WASF2: variants seen among roughly 807,000 people sequenced by gnomAD.
WASF2 encodes actin-binding protein WASF2.
A neutral mutation model predicts 45.0 loss-of-function variants in WASF2; 14 were observed. That is an observed-to-expected ratio of 0.31 (90% CI 0.21 to 0.49). The LOEUF (loss-of-function observed/expected upper bound fraction) is 0.49, where lower values mean the gene tolerates loss of function less well. Ranked by LOEUF, WASF2 falls within the 20% of genes least tolerant of loss-of-function variation. WASF2 has a pLI of 0.99. For synonymous variants in WASF2, 200 were observed against 236.3 expected, an observed-to-expected ratio of 0.85 and a Z score of 1.41; for missense variants, 439 against 636.1, an observed-to-expected ratio of 0.69 and a Z score of 3.33.
At chr1:27,460,138 A>G (rs1430105470) in intron 1 of WASF2, among the ~76,000 whole-genome samples, 2 of 152,218 alleles carry the variant, frequency 1.3e-5, no homozygotes, top group Non-Finnish European at 2.9e-5. Context: ...CTGCCAGTCC[A>G]GTAATGCAGA....
chr1:27,473,017 T>C (rs2017713471), intron 1 of WASF2, among the ~76,000 whole-genome samples: 1 of 149,244 alleles, frequency 6.7e-6, no homozygotes, highest in South Asian at 2.1e-4. Flanking sequence ...AAAATTGTGC[T>C]TTATAGGGCA....
chr1:27,450,080 G>A (rs1378098623), intron 1 of WASF2, among the ~76,000 whole-genome samples: 1 of 151,974 alleles, frequency 6.6e-6, no homozygotes, highest in Non-Finnish European at 1.5e-5. Context: ...GGAAGCAGAG[G>A]TTGCGGTGAG....
intron 1 of WASF2, among the ~76,000 whole-genome samples, chr1:27,489,252 G>GCGCACACACA (rs1255427152): frequency 1.2e-5 from 1 of 80,258 alleles, no homozygotes; most frequent in South Asian, 4.7e-4. Flanking sequence ...CTGTACGCGC[G>GCGCACACACA]CACACACACA....
intron 1 of WASF2, among the ~76,000 whole-genome samples, chr1:27,489,520 G>A (rs574581834): frequency 1.3e-5 from 2 of 151,276 alleles, no homozygotes; most frequent in South Asian, 2.1e-4. Flanking sequence ...GCCTCAACGA[G>A]CACCTCAATT....
rs2148101870 is a variant in WASF2 at position 27,415,991 on chromosome 1, C to T, written c.531G>A (p.Lys177=). The change falls in exon 5 of 9, where the codon AAG becomes AAA. Residue 177 remains lysine (K), a synonymous_variant. Coordinates refer to ENST00000618852, the MANE Select transcript of WASF2 (RefSeq NM_006990.5). ...DTKDIMKEKR[K]HRKEKKDNPN... is the part of the protein sequence containing the mutation. ...GAGGCCCCTTTCCCCTCACCCTATG[C>T]TTTCTCTTCTCTTTCATGATATCCT... 1 of 1,613,784 alleles carries T rather than the reference C, an allele frequency of 6.2e-7. No homozygotes were observed. Among genetic ancestry groups the T allele is most frequent in the African/African-American group, 1.3e-5 (1 of 75,038 alleles).
chr1:27,414,719 C>G lies in WASF2; in HGVS notation c.668+114G>C. ...GTAGCTGATTAACAGTGGTATTGAT[C>G]TAAGCCACAGAGACAGACTTCAGGG... On this transcript the variant is annotated intron_variant, in intron 6 of 8. Coordinates refer to ENST00000618852, the MANE Select transcript of WASF2 (RefSeq NM_006990.5). This position sits in a 1 kb window ranked among gnomAD's most constrained non-coding sequence, Gnocchi z 4.1. 7.1e-7 allele frequency: 1 copy of G among 1,409,736 alleles called. No individual in the cohort carries two copies. Among genetic ancestry groups the G allele is most frequent in the Non-Finnish European group, 9.6e-7 (1 of 1,040,764 alleles). 87.3% of individuals were successfully genotyped at this position (1,409,736 alleles called of 1,614,324 possible). A position where few individuals can be genotyped will look rare whatever the true frequency, so the allele number is the denominator to read the frequency against.
At chr1:27,472,497 G>T (rs1161651576) in intron 1 of WASF2, among the ~76,000 whole-genome samples, 1 of 151,416 alleles carries the variant, frequency 6.6e-6, no homozygotes, top group Non-Finnish European at 1.5e-5. Flanking sequence ...AGCCAGGCAT[G>T]GTGGCTAGCA....
intron 4 of WASF2, 69 bp downstream of exon 4, chr1:27,418,200 T>C: frequency 1.3e-6 from 2 of 1,523,388 alleles, no homozygotes; most frequent in Non-Finnish European, 1.8e-6. Flanking sequence ...AAACAACCGC[T>C]TCAGACAAAA....
chr1:27,461,407 A>T (rs1054801066), intron 1 of WASF2, among the ~76,000 whole-genome samples: 1 of 150,120 alleles, frequency 6.7e-6, no homozygotes, highest in African/African-American at 2.5e-5. Context: ...TGGCGCTACC[A>T]TGACTCAATA....
intron 1 of WASF2, among the ~76,000 whole-genome samples, chr1:27,483,779 C>A (rs911554195): frequency 6.6e-6 from 1 of 151,698 alleles, no homozygotes; most frequent in Admixed American, 6.6e-5. Flanking sequence ...CATAGTTAGA[C>A]CTCGTCTCTA....
At chr1:27,468,673 T>C (rs1475834504) in intron 1 of WASF2, among the ~76,000 whole-genome samples, 3 of 140,330 alleles carry the variant, frequency 2.1e-5, no homozygotes, top group Non-Finnish European at 4.6e-5. Context: ...TGAGAGAACC[T>C]GTAGATTAAA....
At chr1:27,454,420 G>A (rs1234820978) in intron 1 of WASF2, among the ~76,000 whole-genome samples, 2 of 150,306 alleles carry the variant, frequency 1.3e-5, no homozygotes, top group Non-Finnish European at 3.0e-5. Context: ...TGCAATTACA[G>A]ATCACTGCAG....
intron 1 of WASF2, among the ~76,000 whole-genome samples, chr1:27,444,191 C>T (rs1161003669): frequency 1.3e-5 from 2 of 152,132 alleles, no homozygotes; most frequent in East Asian, 3.8e-4. Context: ...GCAATCCTCC[C>T]ACCTCAGCCT....
chr1:27,411,573 T>G (rs1216541914), intron 7 of WASF2, among the ~76,000 whole-genome samples: 3 of 152,150 alleles, frequency 2.0e-5, no homozygotes, highest in African/African-American at 4.8e-5. Context: ...GAGTTAAAGC[T>G]AAGGAAAAGG....
intron 7 of WASF2, among the ~76,000 whole-genome samples, 190 bp downstream of exon 7, chr1:27,412,382 A>G (rs2016772638): frequency 6.6e-6 from 1 of 151,722 alleles, no homozygotes; most frequent in Non-Finnish European, 1.5e-5. Context: ...AATTTTTTTG[A>G]TTTTTAGTAG....
intron 1 of WASF2, among the ~76,000 whole-genome samples, chr1:27,445,003 C>T (rs2017293258): frequency 1.3e-5 from 2 of 152,186 alleles, no homozygotes; most frequent in South Asian, 4.1e-4. Context: ...GCAGTCACTA[C>T]AGTCTATTTT....
At chr1:27,454,606 G>A (rs1353872878) in intron 1 of WASF2, among the ~76,000 whole-genome samples, 1 of 152,102 alleles carries the variant, frequency 6.6e-6, no homozygotes, top group Non-Finnish European at 1.5e-5. Flanking sequence ...CCAAAAGGCT[G>A]GGATTACAGG....
At chr1:27,475,665 T>C (rs1557621551) in intron 1 of WASF2, among the ~76,000 whole-genome samples, 1 of 152,226 alleles carries the variant, frequency 6.6e-6, no homozygotes, top group Non-Finnish European at 1.5e-5. Context: ...TCTGCCTCTG[T>C]TGCCCAGGCT....
chr1:27,481,021 G>C (rs2017840720), intron 1 of WASF2, among the ~76,000 whole-genome samples: 1 of 151,324 alleles, frequency 6.6e-6, no homozygotes, highest in Non-Finnish European at 1.5e-5. Flanking sequence ...CTGGGTGACA[G>C]AGTGAGAGTC....
Sources: allele counts gnomAD v4.1 joint callset (sites outside exome capture counted in the v4.1 genomes callset), GRCh38; gene constraint gnomAD v4.1.1; non-coding constraint Gnocchi (gnomAD v3.1); transcripts MANE v1.5; gene names NCBI Gene and HGNC (gene_info 2026-07-23, HGNC 2026-07-21).